KIF26A: variants seen among roughly 807,000 people sequenced by gnomAD.
KIF26A encodes the protein kinesin-like protein KIF26A.
Under a neutral mutation model 126.0 loss-of-function variants are expected in KIF26A, and 74 were observed. The ratio of observed to expected loss-of-function variants is 0.59; its 90% confidence interval spans 0.49 to 0.71. The LOEUF is 0.71. Ranked by LOEUF, KIF26A falls within the 30% of genes least tolerant of loss-of-function variation. The probability of loss-of-function intolerance (pLI) is 0.00; values close to 1 mark genes in which losing one functional copy is unlikely to be tolerated. For synonymous variants in KIF26A, 1,445 were observed against 1,232.7 expected, an observed-to-expected ratio of 1.17 and a Z score of -3.61; for missense variants, 2,984 against 2,763.3, an observed-to-expected ratio of 1.08 and a Z score of -1.79.
Position 104,176,748 on chromosome 14 carries a change from G to C in KIF26A, c.3960G>C (p.Val1320=). 6.3e-7 allele frequency: 1 copy of C among 1,587,606 alleles called. No homozygotes were observed. The highest frequency in any genetic ancestry group is 1.3e-5 in the African/African-American group (1 of 74,602). Residue 1320 remains valine, a synonymous_variant, in exon 12 of 15, where the codon GTG becomes GTC. Transcript: ENST00000423312. ...CGCTGGGTGTGACAACGCCAGCTGT[G>C]TCCTGGGGAGATGCTCCCACGGAGG... is the stretch of plus-strand genomic sequence containing the variant. The part of the protein sequence containing the change: ...ATTLGVTTPA[V]SWGDAPTEVV...
chr14:104,149,719 C>T (rs991804342), intron 2 of KIF26A, among the ~76,000 whole-genome samples: 2 of 152,222 alleles, frequency 1.3e-5, no homozygotes, highest in Admixed American at 1.3e-4. Context: ...GGCTTCCTCC[C>T]TCCCCTGCCC....
intron 2 of KIF26A, among the ~76,000 whole-genome samples, chr14:104,150,874 G>A (rs928023869): frequency 6.6e-6 from 1 of 152,296 alleles, no homozygotes; most frequent in Admixed American, 6.5e-5. Context: ...CAGCAGCGCT[G>A]GGCTGGTGCT....
At chr14:104,153,239 C>G (rs554631457) in intron 3 of KIF26A, among the ~76,000 whole-genome samples, 1 of 152,238 alleles carries the variant, frequency 6.6e-6, no homozygotes, top group African/African-American at 2.4e-5. Flanking sequence ...GGCCTTGGCA[C>G]TAGCTGCCCT....
rs765487681 is a variant in KIF26A, at chr14:104,175,346, G to A, written c.2558G>A (p.Gly853Asp). ...CAGGAGCGGCTGGAATGCATGGACG[G>A]CAACGAGGGTCCCTCAGGAGGTCCA... ...ELQERLECMD[G>D]NEGPSGGPGG... Residue 853 changes from glycine (G) to aspartate (D), a missense_variant, in exon 12 of 15, where the codon GGC becomes GAC. Physicochemically the swap from Gly to Asp is moderately conservative, Grantham distance 94. Transcript: ENST00000423312. The A allele has an allele frequency of 6.2e-7, 1 of 1,602,804 alleles. No individual in the cohort carries two copies. Among genetic ancestry groups the A allele is most frequent in the Non-Finnish European group, 8.5e-7 (1 of 1,179,114 alleles).
chr14:104,165,017 G>A (rs181064150), intron 4 of KIF26A, among the ~76,000 whole-genome samples: 12 of 151,412 alleles, frequency 7.9e-5, no homozygotes, highest in Non-Finnish European at 1.6e-4. Context: ...GTCTCTGGGT[G>A]TGCCTCTGTG....
In KIF26A at chr14:104,152,680, A is replaced by G. The variant is rs909437292; in HGVS notation, c.735+219A>G. Among the ~76,000 whole-genome samples the G allele has an allele frequency of 6.6e-5, 10 of 152,070 alleles. No individual in the cohort carries two copies. The highest frequency in any genetic ancestry group is 2.6e-4 in the Admixed American group (4 of 15,274). On this transcript the variant is annotated intron_variant, in intron 3 of 14. Transcript: ENST00000423312. The surrounding 1 kb of genome is among the most constrained non-coding windows in gnomAD (Gnocchi z 5.9). ...CAGGTCCCTGCCTGACTCAGGGAATACCTTCTCTGGGAGCACGTGCCCCTC... is the reference window on the plus strand; with the variant it reads ...CAGGTCCCTGCCTGACTCAGGGAATGCCTTCTCTGGGAGCACGTGCCCCTC...
chr14:104,159,266 C>T (rs973579553), intron 4 of KIF26A, among the ~76,000 whole-genome samples: 5 of 152,250 alleles, frequency 3.3e-5, no homozygotes, highest in Non-Finnish European at 7.3e-5. Context: ...ACAGCCCACC[C>T]CGTCACAACC....
rs531078861 is a variant in KIF26A at position 104,145,891 on chromosome 14, T to A, written c.289-6124T>A. On this transcript the variant is annotated intron_variant, in intron 2 of 14. Transcript: ENST00000423312. ...CTCCCCGACCCCCGCAAATTTGCCT[T>A]CACCAGGAAGAAGTGTCAGGCGACC... is the stretch of plus-strand genomic sequence containing the variant. 3.9e-5 allele frequency among the ~76,000 whole-genome samples: 6 copies of A among 152,318 alleles called. No individual in the cohort carries two copies. In the East Asian group the frequency reaches 1.2e-3, roughly 29 times the overall value.
At chr14:104,163,710 G>T (rs952981815) in intron 4 of KIF26A, among the ~76,000 whole-genome samples, 1 of 151,516 alleles carries the variant, frequency 6.6e-6, no homozygotes, top group Non-Finnish European at 1.5e-5. Flanking sequence ...TGCGCGGCAC[G>T]GGGCGGCCAT....
Position 104,144,210 on chromosome 14 carries a change from G to T in KIF26A, c.288+4922G>T, listed in dbSNP as rs150360220. ...CCCAGGGGTTGAGGATGGGCATTTG[G>T]GGGAGGACTTGAGCTTGAGGGATGT... On this transcript the variant is annotated intron_variant, in intron 2 of 14. Coordinates refer to ENST00000423312, the MANE Select transcript of KIF26A (RefSeq NM_015656.2). Among the ~76,000 whole-genome samples the T allele has an allele frequency of 6.1e-3, 933 of 152,328 alleles. 26 individuals carry two copies. The highest frequency in any genetic ancestry group is 8.1e-3 in the East Asian group (42 of 5,186).
Position 104,174,307 on chromosome 14 carries a change from C to A in KIF26A, c.2190C>A (p.Ala730=). ...TCCACCGCCTGCGCAGGAAGAAGGC[C>A]AAGGTGCTCCCCACCTCCTGCCCGC... is the stretch of plus-strand genomic sequence containing the variant. ...ARIHRLRRKK[A]KYASSSSGGE... is the part of the protein sequence containing the mutation. The change falls in exon 11 of 15, where the codon GCC becomes GCA. Residue 730 remains alanine, a synonymous_variant. Transcript: ENST00000423312. 2 of 1,536,994 alleles carry A rather than the reference C, an allele frequency of 1.3e-6. No homozygotes were observed. The highest frequency in any genetic ancestry group is 1.2e-5 in the South Asian group (1 of 82,500).
In KIF26A at chr14:104,174,300, A is replaced by G. The variant is rs1386628917; in HGVS notation, c.2183A>G (p.Lys728Arg). The G allele has an allele frequency of 6.5e-7, 1 of 1,545,080 alleles. No individual in the cohort carries two copies. The highest frequency in any genetic ancestry group is 8.7e-7 in the Non-Finnish European group (1 of 1,144,516). ...GCCCGCATCCACCGCCTGCGCAGGA[A>G]GAAGGCCAAGGTGCTCCCCACCTCC... ...LAARIHRLRRKKAKYASSSSG... is the reference protein window; with the variant it reads ...LAARIHRLRRRKAKYASSSSG... Residue 728 changes from lysine (K) to arginine (R), a missense_variant, in exon 11 of 15, where the codon AAG becomes AGG. By Grantham distance (26) the Lys-to-Arg change is conservative (BLOSUM62 2). Transcript: ENST00000423312.
At chr14:104,141,947 C>T (rs372836600) in intron 2 of KIF26A, among the ~76,000 whole-genome samples, 3 of 152,320 alleles carry the variant, frequency 2.0e-5, no homozygotes, top group African/African-American at 7.2e-5. Context: ...GGAAGGGATG[C>T]ACTCTCACCT....
rs774356860 is a variant in KIF26A at position 104,179,699 on chromosome 14, T to C, written c.5558T>C (p.Leu1853Pro). 3.2e-6 allele frequency: 5 copies of C among 1,550,104 alleles called. No homozygotes were observed. The highest frequency in any genetic ancestry group is 2.6e-6 in the Non-Finnish European group (3 of 1,147,052). Reference protein sequence around the residue: ...ATAALEQCVNLCKAHVMMVTC... With the variant: ...ATAALEQCVNPCKAHVMMVTC... The stretch of plus-strand genomic sequence containing the variant: ...GCGGCCCTGGAGCAGTGCGTGAACC[T>C]GTGCAAGGCGCACGTCATGATGGTC... The change falls in exon 15 of 15, where the codon CTG becomes CCG. Residue 1853 changes from leucine (L) to proline (P), a missense_variant. By Grantham distance (98) the Leu-to-Pro change is moderately conservative. Transcript: ENST00000423312.
chr14:104,173,136 A>T lies in KIF26A; in HGVS notation c.1580A>T (p.Asp527Val), dbSNP rs2037977249. The T allele has an allele frequency of 6.2e-7, 1 of 1,609,610 alleles. No homozygotes were observed. The highest frequency in any genetic ancestry group is 8.5e-7 in the Non-Finnish European group (1 of 1,178,876). Residue 527 changes from aspartate (D) to valine (V), a missense_variant, in exon 8 of 15, where the codon GAC (aspartate) becomes GTC (valine). Coordinates refer to ENST00000423312, the MANE Select transcript of KIF26A (RefSeq NM_015656.2). Reference protein sequence around the residue: ...RVSAVEVCGRDQSLRDLLAEV... With the variant: ...RVSAVEVCGRVQSLRDLLAEV... Reference sequence around the variant, plus strand: ...TCAGCCGTGGAGGTGTGCGGGCGCGACCAGAGCCTGCGGGACCTGCTGGCC... The same window carrying T: ...TCAGCCGTGGAGGTGTGCGGGCGCGTCCAGAGCCTGCGGGACCTGCTGGCC...
At chr14:104,144,534 G>A (rs2037664487) in intron 2 of KIF26A, among the ~76,000 whole-genome samples, 1 of 152,192 alleles carries the variant, frequency 6.6e-6, no homozygotes, top group Non-Finnish European at 1.5e-5. Flanking sequence ...CCTTCCCAAA[G>A]CTCCCTTAAG....
intron 13 of KIF26A, among the ~76,000 whole-genome samples, chr14:104,179,017 A>AT (rs1272401069): frequency 6.6e-6 from 1 of 152,008 alleles, no homozygotes; most frequent in Non-Finnish European, 1.5e-5. Flanking sequence ...GTCCGCTGGA[A>AT]TTCTCCCCTG....
Position 104,175,405 on chromosome 14 carries a change from C to T in KIF26A, c.2617C>T (p.Arg873Ter), listed in dbSNP as rs2141117718. ...CGACGGAGCTCAGGCCAGCCCCGCC[C>T]GAGGGGGCCGGAAGCCCTCGCCACC... ...GTDGAQASPA[R>*]GGRKPSPPEA... Residue 873 changes from arginine to a stop codon, truncating the protein, a stop_gained, in exon 12 of 15, where the codon CGA (arginine) becomes TGA (stop). Coordinates refer to ENST00000423312, the MANE Select transcript of KIF26A (RefSeq NM_015656.2). LOFTEE classifies it high-confidence loss of function. 4 of 1,594,696 alleles carry T rather than the reference C, an allele frequency of 2.5e-6. No individual in the cohort carries two copies. Among genetic ancestry groups the T allele is most frequent in the South Asian group, 1.1e-5 (1 of 89,620 alleles).
In KIF26A at chr14:104,163,512, G is replaced by A. The variant is rs73360214; in HGVS notation, c.924-3347G>A. 4.8e-3 allele frequency among the ~76,000 whole-genome samples: 737 copies of A among 152,070 alleles called. 6 individuals are homozygous for A. Among genetic ancestry groups the A allele is most frequent in the African/African-American group, 0.017 (704 of 41,522 alleles). On this transcript the variant is annotated intron_variant, in intron 4 of 14. Transcript: ENST00000423312. ...GTTTACAGAGACGAGGCTTAGGCAC[G>A]GTATTGGGTAAATGCTGGCGATGCT...
Sources: gnomAD v4.1 joint callset for allele counts (sites outside exome capture counted in the v4.1 genomes callset) on GRCh38, gnomAD v4.1.1 for gene constraint, Gnocchi (gnomAD v3.1) non-coding constraint, MANE v1.5 for transcripts, NCBI Gene and HGNC (gene_info 2026-07-23, HGNC 2026-07-21) for gene names.